SHANK2: variants seen among roughly 807,000 people sequenced by gnomAD.
SHANK2 encodes SH3 and multiple ankyrin repeat domains 2, also known as SH3 and multiple ankyrin repeat domains protein 2.
In SHANK2, 43 loss-of-function variants were observed where a neutral mutation model predicts 133.7. The ratio of observed to expected loss-of-function variants is 0.32; its 90% confidence interval spans 0.25 to 0.41. The LOEUF (loss-of-function observed/expected upper bound fraction) is 0.41. Among genes scored for constraint, SHANK2 ranks in the 10% least tolerant of loss-of-function variants. The pLI, the probability that SHANK2 is intolerant of heterozygous loss-of-function variation, is 1.00. For missense variants in SHANK2, 1,994 were observed against 2,235.8 expected (o/e 0.89, Z 2.18); for synonymous variants, 1,017 against 952.8 (o/e 1.07, Z -1.24).
At chr11:70,743,940 T>A (rs1327691664) in intron 14 of SHANK2, among the ~76,000 whole-genome samples, 1 of 152,132 alleles carries the variant, frequency 6.6e-6, no homozygotes, top group Non-Finnish European at 1.5e-5. Context: ...TAAGACCCCG[T>A]CCACTGCACC....
chr11:70,733,169 C>T (rs1003960664), intron 14 of SHANK2, among the ~76,000 whole-genome samples: 1 of 151,842 alleles, frequency 6.6e-6, no homozygotes, highest in African/African-American at 2.4e-5. Context: ...TTGCTTGAAG[C>T]GTGGAGAGGA....
chr11:70,654,410 C>T (rs1248338860), intron 17 of SHANK2: 2 of 152,110 alleles, frequency 1.3e-5, no homozygotes, highest in African/African-American at 4.8e-5. Flanking sequence ...ATGAATACTT[C>T]GATTCTAGGA....
At chr11:71,079,100 G>A (rs1159053021) in intron 8 of SHANK2, among the ~76,000 whole-genome samples, 2 of 152,236 alleles carry the variant, frequency 1.3e-5, no homozygotes, top group African/African-American at 2.4e-5. Flanking sequence ...AGTACCAGGC[G>A]AATGGTCCCC....
chr11:70,709,232 T>C (rs1945728639), intron 14 of SHANK2, among the ~76,000 whole-genome samples: 1 of 152,054 alleles, frequency 6.6e-6, no homozygotes, highest in Admixed American at 6.5e-5. Context: ...AAACAAAACA[T>C]ACTAAGAATT....
At chr11:71,240,170 G>C (rs782408463) in intron 1 of SHANK2, among the ~76,000 whole-genome samples, 1 of 152,128 alleles carries the variant, frequency 6.6e-6, no homozygotes, top group East Asian at 1.9e-4. Context: ...AGGGATTCTC[G>C]GATCCAGCAT....
At chr11:70,824,154 G>A (rs946400760) in intron 11 of SHANK2, among the ~76,000 whole-genome samples, 3 of 151,922 alleles carry the variant, frequency 2.0e-5, no homozygotes, top group Non-Finnish European at 4.4e-5. Flanking sequence ...CAGAGCTCAC[G>A]GGAGACAGTT....
At chr11:70,666,231 C>G (rs1194298940) in intron 15 of SHANK2, among the ~76,000 whole-genome samples, 1 of 152,150 alleles carries the variant, frequency 6.6e-6, no homozygotes, top group Non-Finnish European at 1.5e-5. Flanking sequence ...AGAGAGGAAA[C>G]AGAAAAGGCA....
intron 6 of SHANK2, among the ~76,000 whole-genome samples, chr11:71,098,435 G>C (rs1430075804): frequency 6.6e-6 from 1 of 152,212 alleles, no homozygotes; most frequent in Non-Finnish European, 1.5e-5. Context: ...ACAAAACCCA[G>C]CTCTTTCCCT....
At chr11:70,642,165 G>A (rs568480172) in intron 17 of SHANK2, among the ~76,000 whole-genome samples, 94 of 152,350 alleles carry the variant, frequency 6.2e-4, no homozygotes, top group African/African-American at 2.2e-3. Flanking sequence ...CTCTTTAAAA[G>A]GAAACCAGAC....
intron 2 of SHANK2, among the ~76,000 whole-genome samples, chr11:71,155,756 C>T (rs868975753): frequency 2.1e-5 from 3 of 143,380 alleles, no homozygotes; most frequent in Admixed American, 7.0e-5. Context: ...CACAAAACCA[C>T]GTGGCAACCC....
At chr11:70,923,583 G>A (rs1339188022) in intron 10 of SHANK2, among the ~76,000 whole-genome samples, 3 of 151,734 alleles carry the variant, frequency 2.0e-5, no homozygotes, top group African/African-American at 4.8e-5. Flanking sequence ...CCACTCTATC[G>A]CCCAGGCTGG....
chr11:70,836,999 T>C (rs1462883996), intron 11 of SHANK2, among the ~76,000 whole-genome samples: 2 of 152,122 alleles, frequency 1.3e-5, no homozygotes, highest in African/African-American at 4.8e-5. Flanking sequence ...CTCTCCACCA[T>C]GGGAGGGCTC....
chr11:70,656,181 C>A (rs1229455549), intron 17 of SHANK2, among the ~76,000 whole-genome samples: 1 of 152,178 alleles, frequency 6.6e-6, no homozygotes, highest in Non-Finnish European at 1.5e-5. Context: ...AGGGCCATCT[C>A]AAAGAGACAG....
chr11:70,617,163 GCTGT>G (rs1170082859), intron 17 of SHANK2, among the ~76,000 whole-genome samples: 3 of 151,662 alleles, frequency 2.0e-5, no homozygotes, highest in Non-Finnish European at 2.9e-5. Context: ...GGGTGTGTGA[GCTGT>G]CTGTGTGTGT....
intron 15 of SHANK2, among the ~76,000 whole-genome samples, chr11:70,690,838 G>A (rs967176140): frequency 6.6e-6 from 1 of 152,074 alleles, no homozygotes; most frequent in South Asian, 2.1e-4. Context: ...TTGGAGGTGA[G>A]GGTCAAACTA....
chr11:70,742,540 C>A (rs941108746), intron 14 of SHANK2, among the ~76,000 whole-genome samples: 1 of 152,220 alleles, frequency 6.6e-6, no homozygotes, highest in Non-Finnish European at 1.5e-5. Context: ...AAGCAGTCAT[C>A]ACATATTTAA....
chr11:70,564,697 G>A (rs1554981532), intron 17 of SHANK2, among the ~76,000 whole-genome samples: 1 of 150,412 alleles, frequency 6.6e-6, no homozygotes, highest in African/African-American at 2.4e-5. Flanking sequence ...TTTTTTCTCT[G>A]TGTTTCACTC....
chr11:70,698,714 G>A lies in SHANK2; in HGVS notation c.1827C>T (p.Gly609=). 4.2e-6 allele frequency: 3 copies of A among 718,684 alleles called. No homozygotes were observed. The East Asian group carries it at 8.0e-5, about 19-fold the overall frequency. 44.5% of individuals were successfully genotyped at this position (718,684 alleles called of 1,614,324 possible). The part of the protein sequence containing the change: ...SKKLFRHYTV[G]SYDSFDTSSD... ...TGGAAGTGTCGAAGCTGTCATAGGA[G>A]CCCACGGTGTAGTGCCTGAAAAGCT... Residue 609 remains glycine (G), a synonymous_variant, in exon 15 of 26, where the codon GGC becomes GGT. Coordinates refer to ENST00000601538, the MANE Select transcript of SHANK2 (RefSeq NM_012309.5).
At chr11:71,143,191 C>T (rs183282755) in intron 3 of SHANK2, among the ~76,000 whole-genome samples, 14 of 152,262 alleles carry the variant, frequency 9.2e-5, no homozygotes, top group African/African-American at 2.6e-4. Flanking sequence ...GAAGAAATCA[C>T]GCCACTGCAC....
Sources: allele counts gnomAD v4.1 joint callset (sites outside exome capture counted in the v4.1 genomes callset), GRCh38; gene constraint gnomAD v4.1.1; transcripts MANE v1.5; gene names NCBI Gene and HGNC (gene_info 2026-07-23, HGNC 2026-07-21).